KAZN: variants seen among roughly 807,000 people sequenced by gnomAD.
KAZN encodes kazrin, periplakin interacting protein, also known as kazrin.
A neutral mutation model predicts 87.4 loss-of-function variants in KAZN; 40 were observed. The ratio of observed to expected loss-of-function variants is 0.46; its 90% CI spans 0.36 to 0.60. The LOEUF is 0.60. Among genes scored for constraint, KAZN ranks in the 20% least tolerant of loss-of-function variants. The probability of loss-of-function intolerance (pLI) is 0.00; values close to 1 mark genes in which losing one functional copy is unlikely to be tolerated. For missense variants in KAZN, 898 were observed against 1,073.9 expected (o/e 0.84, Z 2.29); for synonymous variants, 466 against 458.3 (o/e 1.02, Z -0.22).
intron 1 of KAZN, among the ~76,000 whole-genome samples, chr1:14,748,999 G>A (rs1644337389): frequency 6.6e-6 from 1 of 152,174 alleles, no homozygotes. Context: ...GTAATCAAAA[G>A]GTACATGTTC....
chr1:14,292,761 G>A (rs113963347), intron 2 of KAZN, among the ~76,000 whole-genome samples: 24 of 152,302 alleles, frequency 1.6e-4, no homozygotes, highest in African/African-American at 5.8e-4. Flanking sequence ...CATGTTGGCC[G>A]CAGGCTCACA....
chr1:14,527,587 A>G (rs1208552805), intron 2 of KAZN, among the ~76,000 whole-genome samples: 2 of 150,710 alleles, frequency 1.3e-5, no homozygotes, highest in African/African-American at 4.9e-5. Context: ...TATCTGGCTC[A>G]TGGTTCTGCA....
chr1:13,964,937 G>A (rs1276972180), intron 1 of KAZN, among the ~76,000 whole-genome samples: 2 of 152,152 alleles, frequency 1.3e-5, no homozygotes, highest in South Asian at 4.1e-4. Flanking sequence ...GCAGATGAGG[G>A]AGCTGGTGAG....
At chr1:14,704,060 C>T (rs1642075531) in intron 1 of KAZN, among the ~76,000 whole-genome samples, 1 of 152,194 alleles carries the variant, frequency 6.6e-6, no homozygotes. Flanking sequence ...AAGAAGGCAG[C>T]AGAAGAAAGT....
chr1:14,692,824 T>C (rs1329969685), intron 1 of KAZN, among the ~76,000 whole-genome samples: 1 of 152,136 alleles, frequency 6.6e-6, no homozygotes, highest in Non-Finnish European at 1.5e-5. Context: ...ACCCGGCTAC[T>C]TGGGAGGCTG....
intron 1 of KAZN, among the ~76,000 whole-genome samples, chr1:13,966,980 C>A (rs1279021478): frequency 6.6e-6 from 1 of 152,170 alleles, no homozygotes; most frequent in Non-Finnish European, 1.5e-5. Flanking sequence ...CTGCGTTCTA[C>A]TGTGTCTGTA....
intron 1 of KAZN, among the ~76,000 whole-genome samples, chr1:14,798,085 G>A (rs1160640059): frequency 6.6e-6 from 1 of 152,174 alleles, no homozygotes; most frequent in African/African-American, 2.4e-5. Flanking sequence ...GCTTGTGAGT[G>A]CCAGAGGCAA....
At chr1:14,134,930 A>G (rs968009031) in intron 1 of KAZN, among the ~76,000 whole-genome samples, 1 of 151,752 alleles carries the variant, frequency 6.6e-6, no homozygotes, top group Non-Finnish European at 1.5e-5. Context: ...TTGTCCTTGG[A>G]GTGTACTGCC....
rs190455722 is a variant in KAZN, at chr1:14,232,324, T to C, written c.249+51732T>C. Reference sequence around the variant, plus strand: ...GCAGTGGGGGATATAACACTTCTGTTAAAATTTTTGAAATATTGAAAAAAG... The same window carrying C: ...GCAGTGGGGGATATAACACTTCTGTCAAAATTTTTGAAATATTGAAAAAAG... On this transcript the variant is annotated intron_variant, in intron 2 of 16. Transcript: ENST00000636203. Among the ~76,000 whole-genome samples the C allele has an allele frequency of 3.1e-3, 471 of 152,290 alleles. 5 individuals carry two copies. Among genetic ancestry groups the C allele is most frequent in the Middle Eastern group, 0.014 (4 of 294 alleles).
At chr1:14,677,370 A>G (rs1474064358) in intron 1 of KAZN, among the ~76,000 whole-genome samples, 4 of 152,016 alleles carry the variant, frequency 2.6e-5, no homozygotes, top group Non-Finnish European at 4.4e-5. Flanking sequence ...GATACCCAAG[A>G]CTCCCATTGG....
chr1:14,683,648 A>T (rs1640800435), intron 1 of KAZN, among the ~76,000 whole-genome samples: 1 of 152,234 alleles, frequency 6.6e-6, no homozygotes, highest in South Asian at 2.1e-4. Context: ...GCTCTGTTAA[A>T]GCAGGGACTG....
chr1:14,135,026 C>T (rs1645079125), intron 1 of KAZN, among the ~76,000 whole-genome samples: 1 of 151,880 alleles, frequency 6.6e-6, no homozygotes. Flanking sequence ...CACACATACA[C>T]TCACACATTC....
chr1:14,717,724 C>T (rs920489878), intron 1 of KAZN, among the ~76,000 whole-genome samples: 2 of 152,108 alleles, frequency 1.3e-5, no homozygotes, highest in African/African-American at 4.8e-5. Context: ...CCCAAGAGGC[C>T]CCTGGGGCTG....
intron 2 of KAZN, among the ~76,000 whole-genome samples, chr1:14,321,038 T>G (rs953940647): frequency 2.6e-5 from 4 of 152,192 alleles, no homozygotes; most frequent in Middle Eastern, 3.2e-3. Context: ...AAAAATCATA[T>G]TCTCTGGAAT....
At chr1:14,015,163 T>C (rs10927995) in intron 1 of KAZN, among the ~76,000 whole-genome samples, 28,001 of 152,110 alleles carry the variant, frequency 0.18, 2,865 homozygotes, top group African/African-American at 0.26. Context: ...AAACGTATTA[T>C]GATAATTATA....
At chr1:14,690,519 G>A (rs10927504) in intron 1 of KAZN, among the ~76,000 whole-genome samples, 43,939 of 151,948 alleles carry the variant, frequency 0.29, 6,497 homozygotes, top group Middle Eastern at 0.37. Context: ...GACTGACTTG[G>A]GGTGACAGCA....
intron 1 of KAZN, among the ~76,000 whole-genome samples, chr1:14,874,520 GGACA>G (rs1652541547): frequency 1.5e-5 from 2 of 133,652 alleles, no homozygotes; most frequent in Non-Finnish European, 3.3e-5. Context: ...ATGGATGGAT[GGACA>G]GATGGATGGA....
chr1:14,626,911 C>G (rs12081051), intron 1 of KAZN, among the ~76,000 whole-genome samples: 58 of 152,274 alleles, frequency 3.8e-4, no homozygotes, highest in East Asian at 1.4e-3. Flanking sequence ...TTCTGGGAAG[C>G]CTTCCAGACT....
intron 2 of KAZN, among the ~76,000 whole-genome samples, chr1:14,402,637 T>G (rs1663510171): frequency 6.6e-6 from 1 of 152,148 alleles, no homozygotes; most frequent in South Asian, 2.1e-4. Context: ...ACAAACTGAT[T>G]CTGAAAATCA....
Sources: gnomAD v4.1 joint callset for allele counts (sites outside exome capture counted in the v4.1 genomes callset) on GRCh38, gnomAD v4.1.1 for gene constraint, MANE v1.5 for transcripts, NCBI Gene and HGNC (gene_info 2026-07-23, HGNC 2026-07-21) for gene names.